The following PALD1 variants were observed in gnomAD, a reference collection of about 807,000 sequenced individuals.
PALD1 encodes the protein phosphatase domain containing paladin 1, also known as paladin.
A neutral mutation model predicts 96.0 loss-of-function variants in PALD1; 57 were observed. That is an observed-to-expected ratio of 0.59 (90% CI 0.48 to 0.74). The LOEUF is 0.74. Among genes scored for constraint, PALD1 ranks in the 30% least tolerant of loss-of-function variants. The pLI is 0.00. For missense variants in PALD1, 1,063 were observed against 1,143.7 expected (o/e 0.93, Z 1.02); for synonymous variants, 464 against 473.6 (o/e 0.98, Z 0.26).
intron 4 of PALD1, 144 bp downstream of exon 4, chr10:70,530,212 A>G (rs963778921): frequency 1.6e-6 from 1 of 614,712 alleles, no homozygotes; most frequent in African/African-American, 1.9e-5. Context: ...CCTGCCTGCC[A>G]GGATGGTCAC....
At chr10:70,501,834 T>TGTGCGCGC (rs774868338) in intron 1 of PALD1, among the ~76,000 whole-genome samples, 44 of 149,500 alleles carry the variant, frequency 2.9e-4, no homozygotes, top group African/African-American at 9.3e-4. Flanking sequence ...TGTGTGTGTG[T>TGTGCGCGC]GCGTGCGTGC....
Position 70,566,574 on chromosome 10 carries a change from C to G in PALD1, c.2419-7C>G, listed in dbSNP as rs1292682801. The G allele has an allele frequency of 6.2e-7, 1 of 1,603,802 alleles. No homozygotes were observed. Among genetic ancestry groups the G allele is most frequent in the Non-Finnish European group, 8.5e-7 (1 of 1,175,278 alleles). ...AAACACTGCTCCTGCCTCTGCTCTCCTCCCAGGTGGCATCGAAGGCTGGCA... is the reference window on the plus strand; with the variant it reads ...AAACACTGCTCCTGCCTCTGCTCTCGTCCCAGGTGGCATCGAAGGCTGGCA... On this transcript the variant is annotated splice_region_variant and splice_polypyrimidine_tract_variant and intron_variant, in intron 19 of 19. Transcript: ENST00000263563.
chr10:70,531,519 G>A, intron 5 of PALD1, 65 bp downstream of exon 5: 1 of 1,478,442 alleles, frequency 6.8e-7, no homozygotes, highest in African/African-American at 1.4e-5. Context: ...TGCTCTTTTT[G>A]GGGCCAGCTC....
At chr10:70,505,540 G>T (rs1447955354) in intron 1 of PALD1, among the ~76,000 whole-genome samples, 1 of 151,276 alleles carries the variant, frequency 6.6e-6, no homozygotes, top group Non-Finnish European at 1.5e-5. Flanking sequence ...GGAGGCGGAG[G>T]TTGCCGTGAG....
chr10:70,529,814 C>A, intron 3 of PALD1, 75 bp from the exon 4 acceptor site: 3 of 1,367,820 alleles, frequency 2.2e-6, no homozygotes, highest in South Asian at 1.3e-5. Context: ...TCCCCTGGAG[C>A]CCAGGACAGA....
intron 17 of PALD1, among the ~76,000 whole-genome samples, chr10:70,546,414 T>A (rs1245984206): frequency 6.6e-6 from 1 of 152,208 alleles, no homozygotes; most frequent in Non-Finnish European, 1.5e-5. Context: ...TTCCCATGGT[T>A]TTTTTTGTAG....
chr10:70,470,039 C>G, the PALD1 span, among the ~76,000 whole-genome samples: 8 of 152,140 alleles, frequency 5.3e-5, no homozygotes, highest in African/African-American at 1.9e-4. Flanking sequence ...GGTGATCTGC[C>G]CGCCTCAGCA....
chr10:70,462,814 T>A, the PALD1 span, among the ~76,000 whole-genome samples: 2 of 152,100 alleles, frequency 1.3e-5, no homozygotes, highest in Non-Finnish European at 2.9e-5. Context: ...CTCTCTGGTT[T>A]TTTAGAAGGG....
intron 1 of PALD1, among the ~76,000 whole-genome samples, chr10:70,509,970 GCTGTGCCGAA>G (rs1330763765): frequency 1.3e-5 from 2 of 152,232 alleles, no homozygotes; most frequent in African/African-American, 2.4e-5. Flanking sequence ...ATAAGCGTGG[GCTGTGCCGAA>G]CTCTTGGAAA....
At chr10:70,563,809 C>G (rs1026517497) in intron 18 of PALD1, among the ~76,000 whole-genome samples, 15 of 152,212 alleles carry the variant, frequency 9.9e-5, no homozygotes, top group African/African-American at 3.6e-4. Flanking sequence ...TGATGTGCGT[C>G]CACACGGCAG....
the PALD1 span, among the ~76,000 whole-genome samples, chr10:70,469,398 T>G: frequency 2.0e-5 from 3 of 152,108 alleles, no homozygotes; most frequent in Non-Finnish European, 2.9e-5. Context: ...TACTCCTAAC[T>G]GCTGGACCGT....
intron 1 of PALD1, among the ~76,000 whole-genome samples, chr10:70,497,126 CT>C (rs1210475273): frequency 6.6e-6 from 1 of 152,218 alleles, no homozygotes; most frequent in Non-Finnish European, 1.5e-5. Context: ...GCAGTTTGCC[CT>C]ACGTGGTGGT....
chr10:70,489,154 A>G (rs1846061440), intron 1 of PALD1, among the ~76,000 whole-genome samples: 1 of 151,978 alleles, frequency 6.6e-6, no homozygotes, highest in South Asian at 2.1e-4. Context: ...GCCTCCCAAT[A>G]GCTATCTTGC....
At chr10:70,498,220 G>T (rs1846228338) in intron 1 of PALD1, among the ~76,000 whole-genome samples, 1 of 151,982 alleles carries the variant, frequency 6.6e-6, no homozygotes, top group Non-Finnish European at 1.5e-5. Context: ...TGTCCTCAAG[G>T]TTCATCCGTA....
upstream of PALD1, among the ~76,000 whole-genome samples, chr10:70,477,442 T>A (rs1284711237): frequency 6.6e-6 from 1 of 152,170 alleles, no homozygotes; most frequent in Non-Finnish European, 1.5e-5. Context: ...AGGTCAGGTC[T>A]GTTTCCCAAG....
At chr10:70,460,577 T>C in the PALD1 span, among the ~76,000 whole-genome samples, 2,637 of 152,268 alleles carry the variant, frequency 0.017, 23 homozygotes, top group Middle Eastern at 0.037. Context: ...AGAATCCACC[T>C]GCTCCTCCCC....
At chr10:70,501,121 G>A (rs561750645) in intron 1 of PALD1, among the ~76,000 whole-genome samples, 1 of 152,290 alleles carries the variant, frequency 6.6e-6, no homozygotes, top group East Asian at 1.9e-4. Context: ...CAAGTGCAAT[G>A]CCCAGCCTGC....
At chr10:70,493,838 C>G (rs1846140697) in intron 1 of PALD1, among the ~76,000 whole-genome samples, 1 of 152,216 alleles carries the variant, frequency 6.6e-6, no homozygotes, top group Non-Finnish European at 1.5e-5. Context: ...GAGTAGCCAC[C>G]TGATGTTTCT....
At chr10:70,469,885 C>T in the PALD1 span, among the ~76,000 whole-genome samples, 1 of 152,144 alleles carries the variant, frequency 6.6e-6, no homozygotes, top group Non-Finnish European at 1.5e-5. Context: ...CCTCTGCCTC[C>T]TGAGTTCAAG....
Sources: allele counts gnomAD v4.1 joint callset (sites outside exome capture counted in the v4.1 genomes callset), GRCh38; gene constraint gnomAD v4.1.1; transcripts MANE v1.5; gene names NCBI Gene and HGNC (gene_info 2026-07-23, HGNC 2026-07-21).